The following THRB variants were observed in gnomAD, a reference collection of about 807,000 sequenced individuals.
THRB encodes thyroid hormone receptor beta.
In THRB, 12 loss-of-function variants were observed where a neutral mutation model predicts 47.8. The observed-to-expected ratio is 0.25, with a 90% CI of 0.16 to 0.41. The LOEUF (loss-of-function observed/expected upper bound fraction) is 0.41. Ranked by LOEUF, THRB falls within the 10% of genes least tolerant of loss-of-function variation. The pLI is 1.00. For synonymous variants in THRB, 218 were observed against 212.2 expected, an observed-to-expected ratio of 1.03 and a Z score of -0.24; for missense variants, 348 against 589.2, an observed-to-expected ratio of 0.59 and a Z score of 4.24.
At chr3:24,148,349 A>T (rs1044091481) in intron 6 of THRB, among the ~76,000 whole-genome samples, 2 of 151,894 alleles carry the variant, frequency 1.3e-5, no homozygotes, top group Admixed American at 1.3e-4. Flanking sequence ...CTGGTCTCGA[A>T]CTCCTGGCCT....
At chr3:24,264,469 G>C (rs189903474) in intron 3 of THRB, among the ~76,000 whole-genome samples, 23 of 152,176 alleles carry the variant, frequency 1.5e-4, no homozygotes, top group Non-Finnish European at 2.6e-4. Flanking sequence ...CTGACACTTG[G>C]AAAAGCTTTC....
chr3:24,437,839 G>C (rs1381040691), intron 1 of THRB, among the ~76,000 whole-genome samples: 2 of 151,770 alleles, frequency 1.3e-5, no homozygotes, highest in Non-Finnish European at 2.9e-5. Context: ...TCCCTTCTCT[G>C]AACTCCTATA....
intron 10 of THRB, among the ~76,000 whole-genome samples, chr3:24,124,100 G>A (rs2032244855): frequency 6.6e-6 from 1 of 152,132 alleles, no homozygotes. Context: ...CTGATCAAAT[G>A]AATTCACACT....
At chr3:24,216,383 A>T (rs538645248) in intron 4 of THRB, among the ~76,000 whole-genome samples, 3 of 152,294 alleles carry the variant, frequency 2.0e-5, no homozygotes, top group Admixed American at 6.5e-5. Context: ...AGGCAGCCAG[A>T]TCACGAGGTC....
At chr3:24,187,265 A>G (rs1033562047) in intron 5 of THRB, among the ~76,000 whole-genome samples, 2 of 152,214 alleles carry the variant, frequency 1.3e-5, no homozygotes, top group East Asian at 3.9e-4. Flanking sequence ...AAAAGTTCCT[A>G]AAGCTTACTC....
intron 9 of THRB, among the ~76,000 whole-genome samples, chr3:24,128,390 A>G (rs1310806952): frequency 6.6e-6 from 1 of 152,224 alleles, no homozygotes; most frequent in African/African-American, 2.4e-5. Flanking sequence ...TGTTCTTCTC[A>G]GCACCTTAGA....
chr3:24,352,619 C>G lies in THRB; in HGVS notation c.-260-15248G>C, dbSNP rs544349635. ...GGTGGTTGGTTTTAAAAGGTCTTTGCGCAGCCATTCAAACTCAAACCTACA... is the reference window on the plus strand; with the variant it reads ...GGTGGTTGGTTTTAAAAGGTCTTTGGGCAGCCATTCAAACTCAAACCTACA... On this transcript the variant is annotated intron_variant, in intron 1 of 10. Coordinates refer to ENST00000646209, the MANE Select transcript of THRB (RefSeq NM_001354712.2). 2.0e-5 allele frequency among the ~76,000 whole-genome samples: 3 copies of G among 152,224 alleles called. No individual in the cohort carries two copies. The South Asian group carries it at 6.2e-4, about 32-fold the overall frequency.
intron 1 of THRB, among the ~76,000 whole-genome samples, chr3:24,467,149 CCT>C (rs1440779526): frequency 6.6e-6 from 1 of 152,212 alleles, no homozygotes; most frequent in Non-Finnish European, 1.5e-5. Context: ...TCAAGTGACA[CCT>C]CTTTCTTTGC....
intron 1 of THRB, among the ~76,000 whole-genome samples, chr3:24,476,211 G>T (rs1695428109): frequency 6.6e-6 from 1 of 152,210 alleles, no homozygotes; most frequent in South Asian, 2.1e-4. Flanking sequence ...CTTTCCCACA[G>T]TGGTGAAATC....
chr3:24,328,785 T>C (rs2061740587), intron 2 of THRB, among the ~76,000 whole-genome samples: 2 of 152,226 alleles, frequency 1.3e-5, no homozygotes, highest in South Asian at 4.1e-4. Context: ...TTCCTTGCCC[T>C]ATAGAACTCT....
At chr3:24,491,120 T>C (rs1360621679) in intron 1 of THRB, among the ~76,000 whole-genome samples, 2 of 152,210 alleles carry the variant, frequency 1.3e-5, no homozygotes, top group Admixed American at 1.3e-4. Flanking sequence ...CCTTTTTTTC[T>C]GTTAACTTGG....
chr3:24,479,585 G>A (rs1299016514), intron 1 of THRB, among the ~76,000 whole-genome samples: 1 of 152,176 alleles, frequency 6.6e-6, no homozygotes, highest in Non-Finnish European at 1.5e-5. Flanking sequence ...GAAGGCAGTG[G>A]GAGATCTGGC....
chr3:24,454,858 C>T (rs1004136452), intron 1 of THRB, among the ~76,000 whole-genome samples: 7 of 152,094 alleles, frequency 4.6e-5, no homozygotes, highest in Admixed American at 6.6e-5. Flanking sequence ...ATCCTTTCCA[C>T]GATCACAAAG....
chr3:24,123,275 C>G, intron 10 of THRB, 150 bp from the exon 11 acceptor site: 1 of 1,081,796 alleles, frequency 9.2e-7, no homozygotes. Context: ...TCTGGTGCTC[C>G]AGGGACCAGG....
chr3:24,131,987 C>A (rs532428060), intron 9 of THRB, among the ~76,000 whole-genome samples: 224 of 152,330 alleles, frequency 1.5e-3, no homozygotes, highest in African/African-American at 5.2e-3. Flanking sequence ...GCCCACTTTC[C>A]TGTCCTTCTG....
At chr3:24,130,196 A>G (rs2148863021) in intron 9 of THRB, among the ~76,000 whole-genome samples, 1 of 152,306 alleles carries the variant, frequency 6.6e-6, no homozygotes, top group South Asian at 2.1e-4. Flanking sequence ...GGCAGACCAC[A>G]CGATATCAGG....
At chr3:24,301,357 T>C (rs909889416) in intron 2 of THRB, among the ~76,000 whole-genome samples, 1 of 152,244 alleles carries the variant, frequency 6.6e-6, no homozygotes, top group African/African-American at 2.4e-5. Flanking sequence ...CGTATTTTCA[T>C]GTGGTTTTAA....
At position 24,117,943 on chromosome 3, in the gene THRB, C is replaced by T. The variant is rs1325531455; in HGVS notation, c.*4941G>A. The T allele has an allele frequency of 6.6e-6, 1 of 152,146 alleles. No individual in the cohort carries two copies. Among genetic ancestry groups the T allele is most frequent in the African/African-American group, 2.4e-5 (1 of 41,416 alleles). 9.4% of individuals were successfully genotyped at this position (152,146 alleles called of 1,614,324 possible). A position where few individuals can be genotyped will look rare whatever the true frequency, so the allele number is the denominator to read the frequency against. ...TTGAGATGAGAAGATGAATGTTGTCCTTGAGCTGCAAAACTTCACCTCTCT... is the reference window on the plus strand; with the variant it reads ...TTGAGATGAGAAGATGAATGTTGTCTTTGAGCTGCAAAACTTCACCTCTCT... On this transcript the variant is annotated 3_prime_UTR_variant, in exon 11 of 11. Transcript: ENST00000646209.
intron 1 of THRB, among the ~76,000 whole-genome samples, chr3:24,455,810 C>G (rs2073116229): frequency 6.6e-6 from 1 of 152,146 alleles, no homozygotes; most frequent in Non-Finnish European, 1.5e-5. Flanking sequence ...TCCATTTCGT[C>G]TGGCTGATGA....
Sources: allele counts gnomAD v4.1 joint callset (sites outside exome capture counted in the v4.1 genomes callset), GRCh38; gene constraint gnomAD v4.1.1; transcripts MANE v1.5; gene names NCBI Gene and HGNC (gene_info 2026-07-23, HGNC 2026-07-21).